RPL22: variants seen among roughly 807,000 people sequenced by gnomAD.
RPL22 encodes the protein large ribosomal subunit protein eL22.
Under a neutral mutation model 16.2 loss-of-function variants are expected in RPL22, and 4 were observed. That is an observed-to-expected ratio of 0.25 (90% CI 0.12 to 0.57). The LOEUF is 0.57. Ranked by LOEUF, RPL22 falls within the 20% of genes least tolerant of loss-of-function variation. The pLI, the probability that RPL22 is intolerant of heterozygous loss-of-function variation, is 0.92. For synonymous variants in RPL22, 43 were observed against 54.8 expected (o/e 0.78, Z 0.95); for missense variants, 83 against 156.1 (o/e 0.53, Z 2.49).
chr1:6,186,898 C>T (rs550587699), intron 3 of RPL22, 82 bp from the exon 4 acceptor site: 2 of 1,576,868 alleles, frequency 1.3e-6, no homozygotes, highest in African/African-American at 1.4e-5. Context: ...AAACCCAGCA[C>T]TCAAAATCAT....
intron 2 of RPL22, 80 bp from the exon 3 acceptor site, chr1:6,193,134 G>A (rs1667672943): frequency 2.0e-6 from 3 of 1,522,000 alleles, no homozygotes; most frequent in East Asian, 4.5e-5. Context: ...TCCCAACACT[G>A]AACTAATATC....
intron 3 of RPL22, among the ~76,000 whole-genome samples, chr1:6,192,009 A>G (rs886848743): frequency 1.3e-3 from 194 of 152,020 alleles, no homozygotes; most frequent in Non-Finnish European, 2.5e-3. Context: ...AAAAAAAAAA[A>G]AAAAAAGTAA....
At chr1:6,187,384 G>A (rs760768088) in intron 3 of RPL22, among the ~76,000 whole-genome samples, 2 of 152,046 alleles carry the variant, frequency 1.3e-5, no homozygotes, top group Non-Finnish European at 2.9e-5. Context: ...GAGGGCTGAG[G>A]CAGGCGGATC....
intron 1 of RPL22, chr1:6,198,030 C>T (rs981526424): frequency 6.4e-5 from 30 of 469,486 alleles, no homozygotes; most frequent in Admixed American, 3.7e-5. Context: ...TTTCCAGTCT[C>T]CCCAATCTCT....
At chr1:6,192,063 T>C (rs76993308) in intron 3 of RPL22, among the ~76,000 whole-genome samples, 4 of 151,920 alleles carry the variant, frequency 2.6e-5, no homozygotes, top group African/African-American at 9.7e-5. Context: ...TTTTTTTTTT[T>C]AATTGAGATA....
At chr1:6,197,930 A>T in intron 1 of RPL22, 174 bp from the exon 2 acceptor site, 1 of 619,554 alleles carries the variant, frequency 1.6e-6, no homozygotes. Flanking sequence ...CCAGAGGTAT[A>T]ATGGGGCAGA....
chr1:6,191,523 A>C (rs1254483315), intron 3 of RPL22, among the ~76,000 whole-genome samples: 2 of 151,432 alleles, frequency 1.3e-5, no homozygotes, highest in Non-Finnish European at 2.9e-5. Context: ...AAAAAAAAAA[A>C]AATTAGCCAG....
At chr1:6,188,792 A>ATT (rs764758751) in intron 3 of RPL22, among the ~76,000 whole-genome samples, 2,078 of 143,222 alleles carry the variant, frequency 0.015, 51 homozygotes, top group African/African-American at 0.049. Context: ...GATCCCTGGC[A>ATT]TTTTTTTTTT....
At chr1:6,196,120 G>C (rs1009460435) in intron 2 of RPL22, among the ~76,000 whole-genome samples, 4 of 152,098 alleles carry the variant, frequency 2.6e-5, no homozygotes, top group African/African-American at 9.7e-5. Flanking sequence ...CCATAGATGG[G>C]GCACAGAGTG....
At chr1:6,199,299 G>C in intron 1 of RPL22, 1 of 931,472 alleles carries the variant, frequency 1.1e-6, no homozygotes, top group Non-Finnish European at 1.4e-6. Flanking sequence ...GCAGTCTCCA[G>C]GCTCCAGCTC....
Position 6,185,906 on chromosome 1 carries a change from T to C in RPL22, c.*766A>G, listed in dbSNP as rs1269682695. On this transcript the variant is annotated 3_prime_UTR_variant, in exon 4 of 4. Coordinates refer to ENST00000234875, the MANE Select transcript of RPL22 (RefSeq NM_000983.4). Reference sequence around the variant, plus strand: ...CCTCTTTCAAGAACCTCCAGAGCTCTTGGCATCAGGGGCCCCCATTGCTGG... The same window carrying C: ...CCTCTTTCAAGAACCTCCAGAGCTCCTGGCATCAGGGGCCCCCATTGCTGG... 4.4e-6 allele frequency: 1 copy of C among 229,530 alleles called. No individual in the cohort carries two copies. The highest frequency in any genetic ancestry group is 8.6e-6 in the Non-Finnish European group (1 of 115,760). The allele number at this position is 229,530 out of a possible 1,614,324, so 14.2% of individuals were successfully genotyped here.
intron 2 of RPL22, among the ~76,000 whole-genome samples, chr1:6,193,571 C>T (rs1043108951): frequency 6.6e-6 from 1 of 152,068 alleles, no homozygotes; most frequent in Admixed American, 6.6e-5. Context: ...GATTCGTCCA[C>T]CTCTGCCTCC....
intron 1 of RPL22, 82 bp downstream of exon 1, chr1:6,199,480 C>T: frequency 6.5e-7 from 1 of 1,527,696 alleles, no homozygotes; most frequent in South Asian, 1.2e-5. Flanking sequence ...GCGCCGTCCC[C>T]AGCGAGCCTG....
intron 3 of RPL22, 28 bp from the exon 4 acceptor site, chr1:6,186,844 CTAGACAGTTGGTGCTT>C: frequency 6.2e-7 from 1 of 1,610,082 alleles, no homozygotes; most frequent in Non-Finnish European, 8.5e-7. Flanking sequence ...AAGAACTCCA[CTAGACAGTTGGTGCTT>C]GCATTCTAAA....
At chr1:6,192,810 T>C (rs932129786) in intron 3 of RPL22, 120 bp downstream of exon 3, 5 of 1,209,074 alleles carry the variant, frequency 4.1e-6, no homozygotes, top group African/African-American at 3.1e-5. Flanking sequence ...GCACTGAGCA[T>C]AGTTCCAGAA....
At chr1:6,187,321 GA>G (rs1386791980) in intron 3 of RPL22, among the ~76,000 whole-genome samples, 3 of 149,154 alleles carry the variant, frequency 2.0e-5, no homozygotes, top group African/African-American at 7.5e-5. Flanking sequence ...AAAGAAAAAA[GA>G]AAAAAAACTA....
chr1:6,187,144 C>T (rs983503425), intron 3 of RPL22, among the ~76,000 whole-genome samples: 5 of 152,004 alleles, frequency 3.3e-5, no homozygotes, highest in African/African-American at 1.2e-4. Flanking sequence ...CCCATCTCTA[C>T]TAAAAATAAA....
At chr1:6,188,131 A>C (rs1324732177) in intron 3 of RPL22, among the ~76,000 whole-genome samples, 1 of 152,178 alleles carries the variant, frequency 6.6e-6, no homozygotes, top group Non-Finnish European at 1.5e-5. Context: ...TCCAGGATTC[A>C]AGCAATTCTC....
At chr1:6,189,404 G>A (rs1667620774) in intron 3 of RPL22, among the ~76,000 whole-genome samples, 1 of 152,062 alleles carries the variant, frequency 6.6e-6, no homozygotes, top group African/African-American at 2.4e-5. Context: ...TGGTTGAAAT[G>A]TTCCCTGACA....
Sources: gnomAD v4.1 joint callset for allele counts (sites outside exome capture counted in the v4.1 genomes callset) on GRCh38, gnomAD v4.1.1 for gene constraint, MANE v1.5 for transcripts, NCBI Gene and HGNC (gene_info 2026-07-23, HGNC 2026-07-21) for gene names.